Variants in LIMCH1 observed in about 807,000 individuals in gnomAD.
The protein encoded by LIMCH1 is LIM and calponin homology domains-containing protein 1.
A neutral mutation model predicts 176.5 loss-of-function variants in LIMCH1; 113 were observed. The observed-to-expected ratio is 0.64, with a 90% confidence interval of 0.55 to 0.75. The LOEUF (loss-of-function observed/expected upper bound fraction) is 0.75, where lower values mean the gene tolerates loss of function less well. LIMCH1 is among the 30% of genes least tolerant of loss of function. The probability of loss-of-function intolerance (pLI) is 0.00; values close to 1 mark genes in which losing one functional copy is unlikely to be tolerated. For synonymous variants in LIMCH1, 619 were observed against 645.9 expected (o/e 0.96, Z 0.63); for missense variants, 1,674 against 1,814.9 (o/e 0.92, Z 1.41).
At chr4:41,559,388 G>GC (rs1170981267) in intron 1 of LIMCH1, among the ~76,000 whole-genome samples, 1 of 151,922 alleles carries the variant, frequency 6.6e-6, no homozygotes, top group Non-Finnish European at 1.5e-5. Flanking sequence ...TCTGAACCAA[G>GC]CCCCACTATT....
intron 1 of LIMCH1, among the ~76,000 whole-genome samples, chr4:41,595,778 CTG>C: frequency 6.6e-6 from 1 of 152,166 alleles, no homozygotes. Flanking sequence ...AATTCATCAA[CTG>C]GACATGGTGG....
chr4:41,407,621 C>T (rs1318818530), intron 1 of LIMCH1, among the ~76,000 whole-genome samples: 1 of 152,108 alleles, frequency 6.6e-6, no homozygotes, highest in Non-Finnish European at 1.5e-5. Flanking sequence ...GTGGCCAATC[C>T]GTGCCCTCTG....
chr4:41,554,935 G>A (rs2081034113), intron 1 of LIMCH1, among the ~76,000 whole-genome samples: 1 of 152,200 alleles, frequency 6.6e-6, no homozygotes, highest in South Asian at 2.1e-4. Flanking sequence ...GAAGGGTAGG[G>A]TGGATGTTGA....
intron 1 of LIMCH1, chr4:41,361,073 C>T (rs1205775838): frequency 1.3e-5 from 7 of 547,590 alleles, no homozygotes; most frequent in Non-Finnish European, 2.2e-5. Flanking sequence ...AGGTCACCCC[C>T]CCGGGCCTCG....
chr4:41,628,361 G>A (rs991712466), intron 8 of LIMCH1, among the ~76,000 whole-genome samples: 2 of 150,668 alleles, frequency 1.3e-5, no homozygotes, highest in South Asian at 2.1e-4. Context: ...GTTTGCGGAC[G>A]CAGTTCTGGG....
intron 1 of LIMCH1, among the ~76,000 whole-genome samples, chr4:41,483,892 T>C (rs1021697882): frequency 6.6e-6 from 1 of 152,212 alleles, no homozygotes; most frequent in South Asian, 2.1e-4. Flanking sequence ...AAAGGGTGCT[T>C]AACTGTGACA....
chr4:41,618,660 A>T (rs960323641), intron 5 of LIMCH1, among the ~76,000 whole-genome samples: 2 of 152,304 alleles, frequency 1.3e-5, no homozygotes, highest in East Asian at 3.9e-4. Context: ...CCTTGGTATA[A>T]TCCGAATTGA....
upstream of LIMCH1, among the ~76,000 whole-genome samples, chr4:41,359,995 C>T (rs996817822): frequency 6.6e-6 from 1 of 150,536 alleles, no homozygotes; most frequent in Non-Finnish European, 1.5e-5. Flanking sequence ...CAAGGACTTC[C>T]AGGTAGGGTG....
intron 21 of LIMCH1, chr4:41,671,128 G>A (rs2095007130): frequency 2.2e-6 from 1 of 446,956 alleles, no homozygotes; most frequent in South Asian, 9.5e-5. Flanking sequence ...CTGTGTCACT[G>A]TGTTTGCTTC....
rs1715179044 is a variant in LIMCH1, at chr4:41,680,919, T to C, written c.3613-36T>C. 2.6e-6 allele frequency: 3 copies of C among 1,148,346 alleles called. No individual in the cohort carries two copies. In the East Asian group the frequency reaches 7.1e-5, roughly 27 times the overall value. The allele number at this position is 1,148,346 out of a possible 1,614,324, so 71.1% of individuals were successfully genotyped here. A position where few individuals can be genotyped will look rare whatever the true frequency, so the allele number is the denominator to read the frequency against. ...TGTCTTGACAAATATGATTTTTATT[T>C]TCCCCCCTTTCATCGATTCCTGTCC... On this transcript the variant is annotated intron_variant, in intron 24 of 31. Coordinates refer to ENST00000503057, the MANE Select transcript of LIMCH1 (RefSeq NM_001330672.2).
chr4:41,631,480 AT>A lies in LIMCH1; in HGVS notation c.1601+9del. ...TTTAATCGACAAAATGACTGCAGGTATTTTTTGCCATACGTGTGCAAGGATA... is the reference window on the plus strand; with the variant it reads ...TTTAATCGACAAAATGACTGCAGGTATTTTTGCCATACGTGTGCAAGGATA... On this transcript the variant is annotated splice_donor_region_variant and intron_variant, in intron 10 of 31. Transcript: ENST00000503057. The A allele has an allele frequency of 6.7e-7, 1 of 1,500,950 alleles. No homozygotes were observed. The highest frequency in any genetic ancestry group is 8.8e-7 in the Non-Finnish European group (1 of 1,130,584). The allele number at this position is 1,500,950 out of a possible 1,614,324, so 93.0% of individuals were successfully genotyped here. A position where few individuals can be genotyped will look rare whatever the true frequency, so the allele number is the denominator to read the frequency against.
At chr4:41,531,003 C>T (rs2077228032) in intron 3 of LIMCH1, among the ~76,000 whole-genome samples, 1 of 151,730 alleles carries the variant, frequency 6.6e-6, no homozygotes, top group Non-Finnish European at 1.5e-5. Flanking sequence ...TGTATCTTTA[C>T]TCTAAAGTTC....
chr4:41,567,160 A>AG (rs989262056), intron 1 of LIMCH1, among the ~76,000 whole-genome samples: 3 of 152,158 alleles, frequency 2.0e-5, no homozygotes, highest in East Asian at 1.9e-4. Context: ...GCTGAGGTTA[A>AG]GGGGGGGACC....
At chr4:41,526,186 A>T (rs936937846) in intron 3 of LIMCH1, among the ~76,000 whole-genome samples, 2 of 147,372 alleles carry the variant, frequency 1.4e-5, no homozygotes, top group African/African-American at 2.5e-5. Flanking sequence ...CTTTCCTTCT[A>T]TTTATGTTCT....
chr4:41,579,594 A>T lies in LIMCH1; in HGVS notation c.-240-19326A>T, dbSNP rs928901857. Reference sequence around the variant, plus strand: ...CATCATGTATATGTGTCTAAACATCAAACAAATCAAACTCTTTTGATGTCC... The same window carrying T: ...CATCATGTATATGTGTCTAAACATCTAACAAATCAAACTCTTTTGATGTCC... On this transcript the variant is annotated intron_variant, in intron 1 of 31. Coordinates refer to ENST00000503057, the MANE Select transcript of LIMCH1 (RefSeq NM_001330672.2). Among the ~76,000 whole-genome samples, 6 of 152,246 alleles carry T rather than the reference A, an allele frequency of 3.9e-5. No individual in the cohort carries two copies. In the South Asian group the frequency reaches 1.2e-3, roughly 32 times the overall value.
At chr4:41,396,022 A>G (rs2057768597) in intron 1 of LIMCH1, among the ~76,000 whole-genome samples, 1 of 152,222 alleles carries the variant, frequency 6.6e-6, no homozygotes, top group African/African-American at 2.4e-5. Flanking sequence ...AAGCCATAAG[A>G]ACACCTGGGA....
chr4:41,638,165 G>A (rs914305505), intron 13 of LIMCH1, among the ~76,000 whole-genome samples: 1 of 151,900 alleles, frequency 6.6e-6, no homozygotes, highest in Non-Finnish European at 1.5e-5. Context: ...GGCTTGTAAT[G>A]TTCTAATATT....
At chr4:41,655,426 T>A (rs1306400786) in intron 18 of LIMCH1, among the ~76,000 whole-genome samples, 1 of 152,188 alleles carries the variant, frequency 6.6e-6, no homozygotes, top group Non-Finnish European at 1.5e-5. Context: ...AAGGAAGTTA[T>A]AATATTTAAT....
At chr4:41,670,128 T>A (rs2094961806) in intron 21 of LIMCH1, among the ~76,000 whole-genome samples, 1 of 152,252 alleles carries the variant, frequency 6.6e-6, no homozygotes, top group Non-Finnish European at 1.5e-5. Context: ...CTCAAACTGA[T>A]GTTTCAGTAA....
Sources: gnomAD v4.1 joint callset for allele counts (sites outside exome capture counted in the v4.1 genomes callset) on GRCh38, gnomAD v4.1.1 for gene constraint, MANE v1.5 for transcripts, NCBI Gene and HGNC (gene_info 2026-07-23, HGNC 2026-07-21) for gene names.